The following WWOX variants were observed in gnomAD, a reference collection of about 807,000 sequenced individuals.
The protein encoded by WWOX is WW domain containing oxidoreductase.
Under a neutral mutation model 46.2 loss-of-function variants are expected in WWOX, and 69 were observed. That is an observed-to-expected ratio of 1.49 (90% CI 1.23 to 1.82). The LOEUF (loss-of-function observed/expected upper bound fraction) is 1.82, where lower values mean the gene tolerates loss of function less well. Among genes scored for constraint, WWOX ranks in the 40% most tolerant of loss-of-function variants. The pLI, the probability that WWOX is intolerant of heterozygous loss-of-function variation, is 0.00. For synonymous variants in WWOX, 359 were observed against 202.6 expected (o/e 1.77, Z -6.56); for missense variants, 919 against 542.6 (o/e 1.69, Z -6.89).
intron 8 of WWOX, among the ~76,000 whole-genome samples, chr16:79,012,216 C>T (rs897107869): frequency 6.6e-6 from 1 of 152,130 alleles, no homozygotes; most frequent in African/African-American, 2.4e-5. Context: ...TGGCACTTGG[C>T]ATGCAACTAG....
chr16:78,815,820 C>G (rs1355447328), intron 8 of WWOX, among the ~76,000 whole-genome samples: 2 of 152,206 alleles, frequency 1.3e-5, no homozygotes, highest in Admixed American at 1.3e-4. Context: ...TGCTGCTTGG[C>G]TGCCTATGAG....
intron 8 of WWOX, among the ~76,000 whole-genome samples, chr16:79,036,320 C>G (rs766925257): frequency 6.6e-6 from 1 of 152,204 alleles, no homozygotes; most frequent in Admixed American, 6.5e-5. Context: ...GCTGAAAAAT[C>G]GAAAACTCAT....
intron 6 of WWOX, among the ~76,000 whole-genome samples, chr16:78,404,363 G>C (rs2082477251): frequency 6.6e-6 from 1 of 152,050 alleles, no homozygotes; most frequent in Admixed American, 6.6e-5. Flanking sequence ...GGTGACTTCA[G>C]ATACCACCTC....
intron 8 of WWOX, among the ~76,000 whole-genome samples, chr16:79,177,333 C>T (rs1444592038): frequency 6.6e-6 from 1 of 151,980 alleles, no homozygotes; most frequent in Admixed American, 6.6e-5. Context: ...GAAATTTTCC[C>T]TGTTAAAGTA....
At chr16:78,793,175 T>C (rs1219341066) in intron 8 of WWOX, among the ~76,000 whole-genome samples, 2 of 152,172 alleles carry the variant, frequency 1.3e-5, no homozygotes, top group Admixed American at 6.6e-5. Context: ...TGGGATCAAG[T>C]GATCTTCACA....
chr16:78,803,749 G>A (rs933022834), intron 8 of WWOX, among the ~76,000 whole-genome samples: 12 of 152,268 alleles, frequency 7.9e-5, no homozygotes, highest in Non-Finnish European at 1.5e-4. Context: ...ATGACCCATC[G>A]TGTCCAGCCT....
intron 8 of WWOX, among the ~76,000 whole-genome samples, chr16:78,456,014 C>G (rs1250093246): frequency 5.3e-5 from 8 of 152,180 alleles, no homozygotes; most frequent in Admixed American, 5.2e-4. Flanking sequence ...ATTTCTCATG[C>G]TGATTCTACT....
chr16:78,780,979 G>A (rs1208880673), intron 8 of WWOX, among the ~76,000 whole-genome samples: 1 of 152,214 alleles, frequency 6.6e-6, no homozygotes, highest in African/African-American at 2.4e-5. Flanking sequence ...GGGCCAGCCT[G>A]CAGACTGGTG....
chr16:78,425,406 C>A (rs1030344550), intron 7 of WWOX, among the ~76,000 whole-genome samples: 1 of 152,258 alleles, frequency 6.6e-6, no homozygotes, highest in Middle Eastern at 3.4e-3. Context: ...TGCAGTTATT[C>A]TAGCAGGAGA....
At chr16:78,496,849 C>T (rs1332219580) in intron 8 of WWOX, among the ~76,000 whole-genome samples, 1 of 152,222 alleles carries the variant, frequency 6.6e-6, no homozygotes, top group African/African-American at 2.4e-5. Context: ...ACCCCTTTTG[C>T]TGTGCCATGT....
intron 5 of WWOX, among the ~76,000 whole-genome samples, chr16:78,222,344 GAA>G (rs397802718): frequency 2.8e-4 from 38 of 135,466 alleles, no homozygotes; most frequent in African/African-American, 5.3e-4. Flanking sequence ...CGACTTAATA[GAA>G]AAAAAAAAAA....
At chr16:78,643,073 A>T (rs548721232) in intron 8 of WWOX, among the ~76,000 whole-genome samples, 2 of 152,156 alleles carry the variant, frequency 1.3e-5, no homozygotes, top group Admixed American at 1.3e-4. Flanking sequence ...CCCCAACTAG[A>T]TAAGCCAAGA....
At chr16:78,688,763 C>G (rs989678082) in intron 8 of WWOX, among the ~76,000 whole-genome samples, 6 of 152,050 alleles carry the variant, frequency 3.9e-5, no homozygotes, top group Admixed American at 3.9e-4. Flanking sequence ...GTGTCCCCAC[C>G]CAAATCTCAT....
chr16:78,844,810 CACAGTCTA>C (rs1203272687), intron 8 of WWOX, among the ~76,000 whole-genome samples: 3 of 152,188 alleles, frequency 2.0e-5, no homozygotes, highest in African/African-American at 7.2e-5. Flanking sequence ...TTGGCTGGGG[CACAGTCTA>C]ACAGTGTCAC....
intron 8 of WWOX, among the ~76,000 whole-genome samples, chr16:78,870,479 A>G (rs890702751): frequency 2.0e-5 from 3 of 151,996 alleles, no homozygotes; most frequent in Non-Finnish European, 4.4e-5. Context: ...TTCAAGATTC[A>G]GAGCTCATTT....
At chr16:78,788,104 A>G (rs955068214) in intron 8 of WWOX, among the ~76,000 whole-genome samples, 1 of 151,492 alleles carries the variant, frequency 6.6e-6, no homozygotes, top group African/African-American at 2.4e-5. Flanking sequence ...AGGCTTTTTT[A>G]CTCTTTTTAT....
chr16:79,088,437 TG>T (rs1313921712), intron 8 of WWOX, among the ~76,000 whole-genome samples: 1 of 152,200 alleles, frequency 6.6e-6, no homozygotes, highest in Non-Finnish European at 1.5e-5. Context: ...CCCTGAGCCG[TG>T]GGCAGCCTGA....
At chr16:79,164,897 C>T (rs919771079) in intron 8 of WWOX, among the ~76,000 whole-genome samples, 1 of 152,060 alleles carries the variant, frequency 6.6e-6, no homozygotes, top group Non-Finnish European at 1.5e-5. Context: ...CAGGCAAACC[C>T]ACACACCACA....
intron 8 of WWOX, among the ~76,000 whole-genome samples, chr16:79,195,264 G>C (rs1006840317): frequency 6.6e-5 from 10 of 152,086 alleles, no homozygotes; most frequent in Admixed American, 2.6e-4. Flanking sequence ...CACACCTGTA[G>C]GGGAACGTAG....
Sources: allele counts gnomAD v4.1 joint callset (sites outside exome capture counted in the v4.1 genomes callset), GRCh38; gene constraint gnomAD v4.1.1; transcripts MANE v1.5; gene names NCBI Gene and HGNC (gene_info 2026-07-23, HGNC 2026-07-21).